Variants in FGF3 observed in about 807,000 individuals in gnomAD.
FGF3 encodes fibroblast growth factor 3, also known as FGF-3.
A neutral mutation model predicts 9.8 loss-of-function variants in FGF3; 7 were observed. That is an observed-to-expected ratio of 0.72 (90% CI 0.41 to 1.35). FGF3 has a LOEUF of 1.35. Among genes scored for constraint, FGF3 ranks in the 40% most tolerant of loss-of-function variants. The pLI is 0.01. For missense variants in FGF3, 390 were observed against 345.6 expected (o/e 1.13, Z -1.02); for synonymous variants, 173 against 157.2 (o/e 1.10, Z -0.75).
chr11:69,813,580 ATGGATAGATGGGTGGG>A (rs797027850), intron 2 of FGF3, among the ~76,000 whole-genome samples: 28 of 108,148 alleles, frequency 2.6e-4, no homozygotes, highest in African/African-American at 8.9e-4. Flanking sequence ...GGATGGATGG[ATGGATAGATGGGTGGG>A]TGGATGGATG....
chr11:69,814,474 C>A (rs936814952), intron 2 of FGF3, among the ~76,000 whole-genome samples: 1 of 151,864 alleles, frequency 6.6e-6, no homozygotes, highest in African/African-American at 2.4e-5. Flanking sequence ...GTGGTCTATA[C>A]CTCAGAAGGG....
At chr11:69,811,725 T>C (rs2119910558) in intron 2 of FGF3, among the ~76,000 whole-genome samples, 1 of 152,280 alleles carries the variant, frequency 6.6e-6, no homozygotes, top group Middle Eastern at 3.4e-3. Flanking sequence ...GTGCCACAGA[T>C]ACTGCTGTTC....
At chr11:69,813,500 G>A (rs1856059503) in intron 2 of FGF3, among the ~76,000 whole-genome samples, 1 of 151,944 alleles carries the variant, frequency 6.6e-6, no homozygotes, top group African/African-American at 2.4e-5. Context: ...CATGGTAAGT[G>A]CCCAGGACAC....
At chr11:69,814,503 G>C (rs895223560) in intron 2 of FGF3, among the ~76,000 whole-genome samples, 12 of 152,034 alleles carry the variant, frequency 7.9e-5, no homozygotes, top group African/African-American at 2.4e-4. Context: ...GCCAGACCAG[G>C]AGTGTCAGGG....
Position 69,810,212 on chromosome 11 carries a change from C to T in FGF3, c.*93G>A, listed in dbSNP as rs552425033. 5 of 1,237,168 alleles carry T rather than the reference C, an allele frequency of 4.0e-6. No homozygotes were observed. The South Asian group carries it at 6.2e-5, about 15-fold the overall frequency. 76.6% of individuals were successfully genotyped at this position (1,237,168 alleles called of 1,614,324 possible). A position where few individuals can be genotyped will look rare whatever the true frequency, so the allele number is the denominator to read the frequency against. On this transcript the variant is annotated 3_prime_UTR_variant, in exon 3 of 3. Transcript: ENST00000334134. ...AATAGCTGAGAACCCAGACGCGGGA[C>T]GCAGGGGCAAGGGCTCAAGGAGGAG...
At position 69,810,377 on chromosome 11, in the gene FGF3, G is replaced by T; in HGVS notation, c.648C>A (p.Ser216Arg). Residue 216 changes from serine (S) to arginine (R), a missense_variant, in exon 3 of 3, where the codon AGC becomes AGA. Ser to Arg is a moderately radical substitution (Grantham distance 110). Transcript: ENST00000334134. ...CGTGAGAGGGCTCCAGGTTATCCGG[G>T]CTCTGCTTCTGCCGCCGCCGTCGGG... Reference protein sequence around the residue: ...VQPRRRRQKQSPDNLEPSHVQ... With the variant: ...VQPRRRRQKQRPDNLEPSHVQ... The T allele has an allele frequency of 6.4e-7, 1 of 1,563,334 alleles. No homozygotes were observed. The highest frequency in any genetic ancestry group is 8.7e-7 in the Non-Finnish European group (1 of 1,150,730).
At chr11:69,812,755 T>TTA (rs1554980569) in intron 2 of FGF3, among the ~76,000 whole-genome samples, 1 of 152,122 alleles carries the variant, frequency 6.6e-6, no homozygotes, top group Admixed American at 6.5e-5. Context: ...CCCAGGTCCC[T>TTA]CGATCCTGCA....
intron 1 of FGF3, among the ~76,000 whole-genome samples, chr11:69,816,824 G>A (rs1856141442): frequency 6.6e-6 from 1 of 152,174 alleles, no homozygotes; most frequent in African/African-American, 2.4e-5. Context: ...TCAAGCCCTG[G>A]CGGCAGCCAT....
rs2119942136 is a variant in FGF3, at chr11:69,819,143, G to C, written c.-210C>G. On this transcript the variant is annotated 5_prime_UTR_variant, in exon 1 of 3. Transcript: ENST00000334134. ...GGAGAGTGGGAGAGGGAGAGGGAGA[G>C]AGGGAACGCGAGTCCCTTTAATTTC... is the stretch of plus-strand genomic sequence containing the variant. 4.9e-6 allele frequency: 2 copies of C among 410,870 alleles called. No individual in the cohort carries two copies. The highest frequency in any genetic ancestry group is 3.8e-5 in the East Asian group (1 of 26,566). 25.5% of individuals were successfully genotyped at this position (410,870 alleles called of 1,614,324 possible).
rs1490717307 is a variant in FGF3 at position 69,816,186 on chromosome 11, G to A, written c.324+134C>T. The A allele has an allele frequency of 6.7e-5, 51 of 766,800 alleles. 1 individual carries two copies. The Admixed American group carries it at 8.2e-4, about 12-fold the overall frequency. The allele number at this position is 766,800 out of a possible 1,614,324, so 47.5% of individuals were successfully genotyped here. On this transcript the variant is annotated intron_variant, in intron 2 of 2. Transcript: ENST00000334134. The stretch of plus-strand genomic sequence containing the variant: ...TCACTGGGCGTGGAGCCCTGGGCCA[G>A]GGTCTGGTCCTAGCTTGGGTCCCGT...
chr11:69,810,234 G>C lies in FGF3; in HGVS notation c.*71C>G. ...GGACGCAGGGGCAAGGGCTCAAGGAGGAGAGTCAGAGTCAAGAGGCTGCCA... is the reference window on the plus strand; with the variant it reads ...GGACGCAGGGGCAAGGGCTCAAGGACGAGAGTCAGAGTCAAGAGGCTGCCA... On this transcript the variant is annotated 3_prime_UTR_variant, in exon 3 of 3. Coordinates refer to ENST00000334134, the MANE Select transcript of FGF3 (RefSeq NM_005247.4). 1 of 1,386,400 alleles carries C rather than the reference G, an allele frequency of 7.2e-7. No homozygotes were observed. The highest frequency in any genetic ancestry group is 1.4e-5 in the South Asian group (1 of 71,532). 85.9% of individuals were successfully genotyped at this position (1,386,400 alleles called of 1,614,324 possible).
At chr11:69,817,860 A>G (rs1019923994) in intron 1 of FGF3, among the ~76,000 whole-genome samples, 1 of 152,166 alleles carries the variant, frequency 6.6e-6, no homozygotes, top group Non-Finnish European at 1.5e-5. Context: ...CGCGGGCCTC[A>G]GGTCCCTGTG....
intron 1 of FGF3, among the ~76,000 whole-genome samples, chr11:69,818,216 G>C (rs1856173001): frequency 6.6e-6 from 1 of 152,216 alleles, no homozygotes; most frequent in Non-Finnish European, 1.5e-5. Flanking sequence ...GGAGGGGACG[G>C]CGGGGCGTCC....
intron 2 of FGF3, 71 bp downstream of exon 2, chr11:69,816,249 G>T: frequency 2.5e-6 from 3 of 1,189,436 alleles, no homozygotes; most frequent in Non-Finnish European, 3.8e-6. Context: ...CACATCCCCC[G>T]TCCCCTGGCT....
intron 1 of FGF3, 21 bp downstream of exon 1, chr11:69,818,693 C>A (rs1554981371): frequency 6.9e-7 from 1 of 1,458,578 alleles, no homozygotes; most frequent in South Asian, 1.3e-5. Flanking sequence ...CCCCCGGGGC[C>A]CCGCAGCGTC....
intron 1 of FGF3, among the ~76,000 whole-genome samples, chr11:69,817,847 C>A (rs1172365865): frequency 6.6e-6 from 1 of 152,196 alleles, no homozygotes; most frequent in Non-Finnish European, 1.5e-5. Flanking sequence ...TCAAAGGGCT[C>A]GGCGCGGGCC....
At chr11:69,814,840 C>T (rs1378691474) in intron 2 of FGF3, among the ~76,000 whole-genome samples, 7 of 152,284 alleles carry the variant, frequency 4.6e-5, no homozygotes, top group African/African-American at 9.6e-5. Flanking sequence ...TTCTCAGGCA[C>T]GGAAGCCCCA....
In FGF3 at chr11:69,818,618, G is replaced by GCCGCCTCCCCCGCGGGGCC. The variant is rs1445595697; in HGVS notation, c.220+77_220+95dup. On this transcript the variant is annotated intron_variant, in intron 1 of 2. Transcript: ENST00000334134. ...CTCCCGGGCCAGACCCCTCCCCGGC[G>GCCGCCTCCCCCGCGGGGCC]CCGCCTCCCCCGCGGGGCCCCGCAG... is the stretch of plus-strand genomic sequence containing the variant. 9 of 906,276 alleles carry GCCGCCTCCCCCGCGGGGCC rather than the reference G, an allele frequency of 9.9e-6. No homozygotes were observed. In the African/African-American group the frequency reaches 1.6e-4, roughly 16 times the overall value. 56.1% of individuals were successfully genotyped at this position (906,276 alleles called of 1,614,324 possible).
intron 2 of FGF3, among the ~76,000 whole-genome samples, chr11:69,815,554 G>A (rs1158115800): frequency 6.6e-6 from 1 of 152,192 alleles, no homozygotes; most frequent in Non-Finnish European, 1.5e-5. Context: ...CAGGGAGATT[G>A]TCCTTGGGCC....
Sources: gnomAD v4.1 joint callset for allele counts (sites outside exome capture counted in the v4.1 genomes callset) on GRCh38, gnomAD v4.1.1 for gene constraint, MANE v1.5 for transcripts, NCBI Gene and HGNC (gene_info 2026-07-23, HGNC 2026-07-21) for gene names.